CEP128: variants seen among roughly 807,000 people sequenced by gnomAD.
The protein encoded by CEP128 is centrosomal protein 128kDa.
CEP128 carries 132 observed loss-of-function variants against 156.7 expected under a neutral mutation model. The observed-to-expected ratio is 0.84, with a 90% confidence interval of 0.73 to 0.97. The LOEUF (loss-of-function observed/expected upper bound fraction) is 0.97. Among genes scored for constraint, CEP128 ranks in the 50% least tolerant of loss-of-function variants. The pLI, the probability that CEP128 is intolerant of heterozygous loss-of-function variation, is 0.00. For synonymous variants in CEP128, 469 were observed against 448.9 expected, an observed-to-expected ratio of 1.04 and a Z score of -0.57; for missense variants, 1,252 against 1,281.9, an observed-to-expected ratio of 0.98 and a Z score of 0.36.
At chr14:80,746,540 A>T in intron 18 of CEP128, among the ~76,000 whole-genome samples, 1 of 152,226 alleles carries the variant, frequency 6.6e-6, no homozygotes, top group East Asian at 1.9e-4. Flanking sequence ...ATACAAATAC[A>T]AAAGAATTCA....
intron 21 of CEP128, among the ~76,000 whole-genome samples, chr14:80,534,559 C>T (rs1370571010): frequency 3.9e-5 from 6 of 152,192 alleles, no homozygotes; most frequent in Non-Finnish European, 8.8e-5. Context: ...GACGTGGTGG[C>T]TCACGCCTGT....
rs567380488 is a variant in CEP128 at position 80,706,443 on chromosome 14, G to A, written c.2806+36632C>T. Among the ~76,000 whole-genome samples, 6 of 152,112 alleles carry A rather than the reference G, an allele frequency of 3.9e-5. No homozygotes were observed. In the South Asian group the frequency reaches 1.0e-3, roughly 26 times the overall value. On this transcript the variant is annotated intron_variant, in intron 19 of 24. Coordinates refer to ENST00000555265, the MANE Select transcript of CEP128 (RefSeq NM_152446.5). ...TACTCGTGTGTGTGTGTGTGTATGT[G>A]TGTGTGTGTGTAAGTTCTATACAGT... is the stretch of plus-strand genomic sequence containing the variant.
At chr14:80,609,268 AT>A (rs573463417) in intron 19 of CEP128, among the ~76,000 whole-genome samples, 20 of 149,992 alleles carry the variant, frequency 1.3e-4, no homozygotes, top group African/African-American at 3.4e-4. Context: ...GGCATGACTC[AT>A]TTTTTTTTTC....
chr14:80,902,352 T>G (rs1414352257), intron 6 of CEP128, among the ~76,000 whole-genome samples: 3 of 152,198 alleles, frequency 2.0e-5, no homozygotes, highest in Non-Finnish European at 4.4e-5. Context: ...TGTTCTGGGC[T>G]TCATCACATA....
rs570729275 is a variant in CEP128 at position 80,854,238 on chromosome 14, G to A, written c.762+8519C>T. ...GGGGAAAGAGCTACACTCAACCATT[G>A]CTGGCAGAACAACGTGCAGTTTCAG... On this transcript the variant is annotated intron_variant, in intron 9 of 24. Transcript: ENST00000555265. Among the ~76,000 whole-genome samples the A allele has an allele frequency of 2.0e-5, 3 of 152,050 alleles. No individual in the cohort carries two copies. The East Asian group carries it at 5.8e-4, about 29-fold the overall frequency.
At chr14:80,517,312 T>C (rs1023510618) in intron 23 of CEP128, among the ~76,000 whole-genome samples, 2 of 152,160 alleles carry the variant, frequency 1.3e-5, no homozygotes, top group Admixed American at 6.5e-5. Context: ...AATGGAAACA[T>C]AGACTATTGA....
At chr14:80,751,169 G>A (rs1363385118) in intron 18 of CEP128, among the ~76,000 whole-genome samples, 7 of 152,140 alleles carry the variant, frequency 4.6e-5, no homozygotes, top group Non-Finnish European at 1.0e-4. Flanking sequence ...GTGGTATTTC[G>A]TTATGGCAGC....
rs572978626 is a variant in CEP128, at chr14:80,537,870, A to C, written c.2881-6984T>G. 2.6e-5 allele frequency among the ~76,000 whole-genome samples: 4 copies of C among 152,322 alleles called. No homozygotes were observed. The South Asian group carries it at 6.2e-4, about 24-fold the overall frequency. On this transcript the variant is annotated intron_variant, in intron 21 of 24. Coordinates refer to ENST00000555265, the MANE Select transcript of CEP128 (RefSeq NM_152446.5). The stretch of plus-strand genomic sequence containing the variant: ...CGGAATATATGCTGCATTGGAAATC[A>C]GCATCCCTAATTTGTGGATATTCAT...
chr14:80,931,498 C>A (rs1885465531), intron 2 of CEP128, among the ~76,000 whole-genome samples: 1 of 152,196 alleles, frequency 6.6e-6, no homozygotes, highest in Admixed American at 6.5e-5. Context: ...ATCTCTTATA[C>A]ACAGAAGTGA....
intron 19 of CEP128, among the ~76,000 whole-genome samples, chr14:80,587,564 A>C (rs985864383): frequency 6.6e-6 from 1 of 152,196 alleles, no homozygotes; most frequent in Non-Finnish European, 1.5e-5. Context: ...AGTACAGAAA[A>C]TAGCATAATA....
chr14:80,625,050 T>A (rs1272630738), intron 19 of CEP128, among the ~76,000 whole-genome samples: 1 of 152,186 alleles, frequency 6.6e-6, no homozygotes, highest in South Asian at 2.1e-4. Flanking sequence ...AATTTTATAG[T>A]TTCAGGCCTT....
chr14:80,758,390 C>T (rs541223659), intron 17 of CEP128, among the ~76,000 whole-genome samples: 8 of 152,022 alleles, frequency 5.3e-5, no homozygotes, highest in East Asian at 3.9e-4. Flanking sequence ...GGCGTGGTGG[C>T]GCATGCCTGT....
intron 2 of CEP128, among the ~76,000 whole-genome samples, chr14:80,918,686 G>C (rs1194543742): frequency 6.6e-6 from 1 of 152,150 alleles, no homozygotes; most frequent in African/African-American, 2.4e-5. Context: ...AAGTGCTAAA[G>C]AGAGCAGGTG....
At chr14:80,557,411 A>C (rs1184633817) in intron 21 of CEP128, among the ~76,000 whole-genome samples, 3 of 152,228 alleles carry the variant, frequency 2.0e-5, no homozygotes. Context: ...CAGATGAAGG[A>C]AACAAGAAAG....
intron 21 of CEP128, among the ~76,000 whole-genome samples, chr14:80,546,106 A>G (rs1889972399): frequency 6.6e-6 from 1 of 152,206 alleles, no homozygotes; most frequent in African/African-American, 2.4e-5. Context: ...CAGAATGCAA[A>G]TGTCCTGATT....
At chr14:80,542,042 A>G (rs551477029) in intron 21 of CEP128, among the ~76,000 whole-genome samples, 1 of 152,358 alleles carries the variant, frequency 6.6e-6, no homozygotes, top group South Asian at 2.1e-4. Flanking sequence ...GGCATGCGGT[A>G]AGCACTCAAT....
rs187039718 is a variant in CEP128 at position 80,855,442 on chromosome 14, A to G, written c.762+7315T>C. 8.3e-3 allele frequency among the ~76,000 whole-genome samples: 1,271 copies of G among 152,312 alleles called. 15 individuals carry two copies. Among genetic ancestry groups the G allele is most frequent in the Non-Finnish European group, 0.01 (687 of 68,020 alleles). On this transcript the variant is annotated intron_variant, in intron 9 of 24. Coordinates refer to ENST00000555265, the MANE Select transcript of CEP128 (RefSeq NM_152446.5). ...GATTAGAGAGGCTGCTGGGATGATC[A>G]ATACGAGAGTGATTTTAATGGGCAT...
chr14:80,659,791 C>A (rs543582136), intron 19 of CEP128, among the ~76,000 whole-genome samples: 1 of 152,232 alleles, frequency 6.6e-6, no homozygotes, highest in South Asian at 2.1e-4. Flanking sequence ...TAAAACAATT[C>A]TAAATAATGA....
chr14:80,725,573 A>G (rs1230850852), intron 19 of CEP128, among the ~76,000 whole-genome samples: 1 of 152,100 alleles, frequency 6.6e-6, no homozygotes, highest in East Asian at 1.9e-4. Context: ...CATTATCCCC[A>G]ACAAGAATGA....
Sources: allele counts gnomAD v4.1 joint callset (sites outside exome capture counted in the v4.1 genomes callset), GRCh38; gene constraint gnomAD v4.1.1; transcripts MANE v1.5; gene names NCBI Gene and HGNC (gene_info 2026-07-23, HGNC 2026-07-21).